ESYT2: variants seen among roughly 807,000 people sequenced by gnomAD.
ESYT2 encodes extended synaptotagmin-2.
Under a neutral mutation model 107.2 loss-of-function variants are expected in ESYT2, and 54 were observed. The ratio of observed to expected loss-of-function variants is 0.50; its 90% CI spans 0.40 to 0.63. The LOEUF (loss-of-function observed/expected upper bound fraction) is 0.63, where lower values mean the gene tolerates loss of function less well. Ranked by LOEUF, ESYT2 falls within the 30% of genes least tolerant of loss-of-function variation. The pLI, the probability that ESYT2 is intolerant of heterozygous loss-of-function variation, is 0.00. For missense variants in ESYT2, 1,020 were observed against 1,094.5 expected (o/e 0.93, Z 0.96); for synonymous variants, 491 against 434.1 (o/e 1.13, Z -1.63).
intron 16 of ESYT2, among the ~76,000 whole-genome samples, chr7:158,746,378 T>TG (rs1463040844): frequency 6.6e-6 from 1 of 151,630 alleles, no homozygotes; most frequent in Non-Finnish European, 1.5e-5. Flanking sequence ...GGTGTGGTGG[T>TG]GTGCACCTCT....
chr7:158,770,365 A>G (rs1035282720), intron 7 of ESYT2, among the ~76,000 whole-genome samples: 24 of 151,760 alleles, frequency 1.6e-4, no homozygotes, highest in African/African-American at 5.5e-4. Context: ...TTGTGCATAA[A>G]TTATATATAC....
chr7:158,748,173 T>A, intron 16 of ESYT2, 21 bp downstream of exon 16: 1 of 1,610,256 alleles, frequency 6.2e-7, no homozygotes, highest in Non-Finnish European at 8.5e-7. Flanking sequence ...ATAAATTGGT[T>A]AAAAAATGCA....
At chr7:158,767,553 G>T in intron 8 of ESYT2, 101 bp downstream of exon 8, 1 of 1,489,758 alleles carries the variant, frequency 6.7e-7, no homozygotes, top group Non-Finnish European at 9.1e-7. Flanking sequence ...CAAGCTGGCT[G>T]CTGGGGAGAG....
intron 14 of ESYT2, among the ~76,000 whole-genome samples, chr7:158,752,561 T>C (rs1487135534): frequency 6.6e-6 from 1 of 152,210 alleles, no homozygotes; most frequent in African/African-American, 2.4e-5. Flanking sequence ...AGGAAAATAA[T>C]CTAATTTATC....
At chr7:158,788,140 A>G (rs1378235353) in intron 5 of ESYT2, 47 bp from the exon 6 acceptor site, 2 of 1,510,740 alleles carry the variant, frequency 1.3e-6, no homozygotes, top group Non-Finnish European at 1.8e-6. Context: ...AACATTCTGC[A>G]GGGCCGCTTA....
In ESYT2 at chr7:158,767,708, G is replaced by A. The variant is rs372159271; in HGVS notation, c.870C>T (p.Thr290=). 18 of 1,613,014 alleles carry A rather than the reference G, an allele frequency of 1.1e-5. 1 individual carries two copies. The highest frequency in any genetic ancestry group is 8.9e-5 in the East Asian group (4 of 44,808). The stretch of plus-strand genomic sequence containing the variant: ...TTTGAACTTCACTGACAAGTGGAAC[G>A]GTGATTCGATTGGGAAGCACCAGAT... ...SNYLVLPNRI[T]VPLVSEVQIA... The change falls in exon 8 of 23, where the codon ACC becomes ACT. Residue 290 remains threonine (T), a synonymous_variant. Transcript: ENST00000275418.
intron 6 of ESYT2, among the ~76,000 whole-genome samples, chr7:158,782,757 C>T (rs527572641): frequency 1.9e-4 from 29 of 149,324 alleles, no homozygotes; most frequent in Admixed American, 7.9e-4. Flanking sequence ...TGTGTGAGAA[C>T]AAGTGTGAAA....
chr7:158,771,949 T>A (rs1257064111), intron 7 of ESYT2, among the ~76,000 whole-genome samples: 1 of 151,538 alleles, frequency 6.6e-6, no homozygotes, highest in Admixed American at 6.6e-5. Context: ...CGAAACCCCA[T>A]CTCTACTAAA....
intron 7 of ESYT2, among the ~76,000 whole-genome samples, chr7:158,771,742 T>C (rs961332891): frequency 3.3e-5 from 5 of 152,172 alleles, no homozygotes; most frequent in Non-Finnish European, 7.4e-5. Context: ...CACAGCTGTG[T>C]CCCATGCACG....
rs559581984 is a variant in ESYT2, at chr7:158,754,112, C to T, written c.1420-1269G>A. ...CAAGTGCTTCAGGCAGGTGCCCCGTCGGGAGGCCTCTGGAGTTACTCATCT... is the reference window on the plus strand; with the variant it reads ...CAAGTGCTTCAGGCAGGTGCCCCGTTGGGAGGCCTCTGGAGTTACTCATCT... On this transcript the variant is annotated intron_variant, in intron 13 of 22. Transcript: ENST00000275418. Among the ~76,000 whole-genome samples the T allele has an allele frequency of 5.3e-5, 8 of 152,296 alleles. No individual in the cohort carries two copies. In the South Asian group the frequency reaches 1.5e-3, roughly 28 times the overall value.
intron 22 of ESYT2, 74 bp downstream of exon 22, chr7:158,734,348 G>C: frequency 6.2e-7 from 1 of 1,610,528 alleles, no homozygotes; most frequent in Non-Finnish European, 8.5e-7. Context: ...GTCTGTGGGG[G>C]ACACTACCCA....
intron 13 of ESYT2, among the ~76,000 whole-genome samples, chr7:158,757,544 G>A (rs186932370): frequency 2.6e-5 from 4 of 151,674 alleles, no homozygotes; most frequent in South Asian, 2.1e-4. Flanking sequence ...CCCAGAGCTC[G>A]CGGGACGCCC....
chr7:158,773,527 G>T, intron 6 of ESYT2, 131 bp from the exon 7 acceptor site: 1 of 722,658 alleles, frequency 1.4e-6, no homozygotes, highest in East Asian at 3.0e-5. Flanking sequence ...TTCATCCTTC[G>T]TAATATACCA....
rs1836987252 is a variant in ESYT2, at chr7:158,737,118, C to T, written c.2329G>A (p.Asp777Asn). Reference sequence around the variant, plus strand: ...TTCCTCCTTCCTGACCGCCTCTTGTCTGGTAATAAATACATGCGGACATAG... The same window carrying T: ...TTCCTCCTTCCTGACCGCCTCTTGTTTGGTAATAAATACATGCGGACATAG... ...DPYVRMYLLP[D>N]KRRSGRRKTH... is the part of the protein sequence containing the mutation. Residue 777 changes from aspartate (D) to asparagine (N), a missense_variant, in exon 20 of 23, where the codon GAC becomes AAC. Coordinates refer to ENST00000275418, the MANE Select transcript of ESYT2 (RefSeq NM_001367773.1). 6.2e-7 allele frequency: 1 copy of T among 1,614,048 alleles called. No homozygotes were observed. The highest frequency in any genetic ancestry group is 8.5e-7 in the Non-Finnish European group (1 of 1,179,970).
intron 1 of ESYT2, among the ~76,000 whole-genome samples, chr7:158,809,025 TAA>T (rs1418469179): frequency 6.6e-6 from 1 of 151,724 alleles, no homozygotes; most frequent in African/African-American, 2.4e-5. Context: ...AATAAACAAA[TAA>T]GTTTGTGGGT....
chr7:158,782,144 T>C (rs987241770), intron 6 of ESYT2, among the ~76,000 whole-genome samples: 12 of 127,718 alleles, frequency 9.4e-5, no homozygotes, highest in African/African-American at 3.6e-4. Flanking sequence ...AACAAGTGAG[T>C]GAACAAGTGT....
chr7:158,785,294 G>A (rs1012751832), intron 6 of ESYT2, among the ~76,000 whole-genome samples: 1 of 152,052 alleles, frequency 6.6e-6, no homozygotes, highest in African/African-American at 2.4e-5. Context: ...GCGTGGTGGT[G>A]GGTGCCTGTA....
intron 1 of ESYT2, among the ~76,000 whole-genome samples, chr7:158,823,137 CA>C (rs1840333148): frequency 6.6e-6 from 1 of 150,618 alleles, no homozygotes; most frequent in Non-Finnish European, 1.5e-5. Context: ...CACTATAATA[CA>C]AAAGAAATTA....
Position 158,829,135 on chromosome 7 carries a change from TC to T in ESYT2, c.283del (p.Glu95SerfsTer28). On this transcript the variant is annotated frameshift_variant, in exon 1 of 23. Transcript: ENST00000275418. LOFTEE classifies it high-confidence loss of function. Reference sequence around the variant, plus strand: ...GCGCACCCCCAGGCGCACGACGCGCTCCTCGTCTTCCAGCAGCGCCAGCGCG... The same window carrying T: ...GCGCACCCCCAGGCGCACGACGCGCTCTCGTCTTCCAGCAGCGCCAGCGCG... ...CRALALLEDE[E>X]RVVRLGVRAC... is the part of the protein sequence containing the mutation. 1 of 1,570,872 alleles carries T rather than the reference TC, an allele frequency of 6.4e-7. No individual in the cohort carries two copies. The highest frequency in any genetic ancestry group is 8.6e-7 in the Non-Finnish European group (1 of 1,167,700).
Sources: gnomAD v4.1 joint callset for allele counts (sites outside exome capture counted in the v4.1 genomes callset) on GRCh38, gnomAD v4.1.1 for gene constraint, MANE v1.5 for transcripts, NCBI Gene and HGNC (gene_info 2026-07-23, HGNC 2026-07-21) for gene names.